Variants in R3HDM2 observed in about 807,000 individuals in gnomAD.
R3HDM2 encodes R3H domain-containing protein 2.
Under a neutral mutation model 124.5 loss-of-function variants are expected in R3HDM2, and 38 were observed. The ratio of observed to expected loss-of-function variants is 0.31; its 90% CI spans 0.24 to 0.40. The LOEUF (loss-of-function observed/expected upper bound fraction) is 0.40. Ranked by LOEUF, R3HDM2 falls within the 10% of genes least tolerant of loss-of-function variation. R3HDM2 has a pLI of 1.00. For missense variants in R3HDM2, 869 were observed against 1,236.9 expected, an observed-to-expected ratio of 0.70 and a Z score of 4.46; for synonymous variants, 391 against 448.0, an observed-to-expected ratio of 0.87 and a Z score of 1.61.
intron 2 of R3HDM2, among the ~76,000 whole-genome samples, chr12:57,315,226 C>T (rs1043911816): frequency 1.3e-5 from 2 of 152,046 alleles, no homozygotes; most frequent in Non-Finnish European, 2.9e-5. Context: ...TTAGCAGAGA[C>T]GGGGTTTCAC....
chr12:57,326,664 C>T (rs773978040), intron 2 of R3HDM2, among the ~76,000 whole-genome samples: 4 of 152,298 alleles, frequency 2.6e-5, no homozygotes, highest in Admixed American at 6.5e-5. Context: ...AAGGTGGCTA[C>T]ATTAAACAAT....
Position 57,296,550 on chromosome 12 carries a change from T to G in R3HDM2, c.562A>C (p.Asn188His), listed in dbSNP as rs1328788573. 1.0e-5 allele frequency: 16 copies of G among 1,549,346 alleles called. No individual in the cohort carries two copies. The highest frequency in any genetic ancestry group is 1.4e-5 in the Non-Finnish European group (16 of 1,146,138). Residue 188 changes from asparagine (N) to histidine (H), a missense_variant and splice_region_variant, in exon 9 of 24, where the codon AAT (asparagine) becomes CAT (histidine). By Grantham distance (68) the Asn-to-His change is moderately conservative. Transcript: ENST00000402412. The surrounding 1 kb of genome is among the most constrained non-coding windows in gnomAD (Gnocchi z 4.5). ...EILEFINDNN[N>H]QFKKFPQMTS... ...ATCTGAGGGAACTTCTTGAACTGAT[T>G]ACTGAAGGGAAACCCGGGGAAAAAA...
At position 57,257,984 on chromosome 12, in the gene R3HDM2, C is replaced by G; in HGVS notation, c.2449+6G>C. 2 of 1,533,444 alleles carry G rather than the reference C, an allele frequency of 1.3e-6. No individual in the cohort carries two copies. Among genetic ancestry groups the G allele is most frequent in the Non-Finnish European group, 8.8e-7 (1 of 1,130,096 alleles). 95.0% of individuals were successfully genotyped at this position (1,533,444 alleles called of 1,614,324 possible). On this transcript the variant is annotated splice_donor_region_variant and intron_variant, in intron 21 of 23. Coordinates refer to ENST00000402412, the MANE Select transcript of R3HDM2 (RefSeq NM_001394031.1). ...CATAGCAGCCAGCACTAATCTAACC[C>G]CCTACCCTGTGCTGGACCCCCAGGC...
chr12:57,354,166 G>T (rs775099838), intron 2 of R3HDM2, among the ~76,000 whole-genome samples: 1 of 151,818 alleles, frequency 6.6e-6, no homozygotes, highest in East Asian at 1.9e-4. Context: ...ACCACGCCTG[G>T]TCTAATTTTT....
Position 57,269,048 on chromosome 12 carries a change from C to G in R3HDM2, c.1749G>C (p.Ala583=), listed in dbSNP as rs376410858. The change falls in exon 17 of 24, where the codon GCG becomes GCC. Residue 583 remains alanine (A), a synonymous_variant. Coordinates refer to ENST00000402412, the MANE Select transcript of R3HDM2 (RefSeq NM_001394031.1). The stretch of plus-strand genomic sequence containing the variant: ...GGACCCCAATCATGCCTTGGTAAGC[C>G]GCCTGCTGCTGGTTAGGCATCATGG... ...LQPMMPNQQQ[A]AYQGMIGVQQ... is the part of the protein sequence containing the mutation. The G allele has an allele frequency of 1.9e-6, 3 of 1,614,200 alleles. No individual in the cohort carries two copies. In the East Asian group the frequency reaches 6.7e-5, roughly 36 times the overall value.
At chr12:57,429,621 G>C (rs1463737712) in intron 1 of R3HDM2, among the ~76,000 whole-genome samples, 1 of 152,128 alleles carries the variant, frequency 6.6e-6, no homozygotes, top group African/African-American at 2.4e-5. Context: ...ACTGAGGTAG[G>C]AGGACGGCTT....
intron 14 of R3HDM2, among the ~76,000 whole-genome samples, chr12:57,273,922 G>A (rs2044132906): frequency 6.6e-6 from 1 of 152,150 alleles, no homozygotes; most frequent in Admixed American, 6.5e-5. Context: ...TCAATAATTA[G>A]GTAAAATTAT....
At chr12:57,317,625 G>A (rs1425571687) in intron 2 of R3HDM2, among the ~76,000 whole-genome samples, 3 of 124,658 alleles carry the variant, frequency 2.4e-5, no homozygotes, top group African/African-American at 5.8e-5. Context: ...AGAATCCTGG[G>A]AGATAGTTAA....
intron 2 of R3HDM2, among the ~76,000 whole-genome samples, chr12:57,377,806 G>A (rs767424988): frequency 3.3e-5 from 5 of 152,008 alleles, no homozygotes; most frequent in East Asian, 1.9e-4. Flanking sequence ...GAAACCTTTC[G>A]GCCAGGGGCA....
intron 3 of R3HDM2, among the ~76,000 whole-genome samples, chr12:57,304,705 G>T (rs1404715238): frequency 6.6e-6 from 1 of 152,118 alleles, no homozygotes; most frequent in Non-Finnish European, 1.5e-5. Context: ...ATACAACATG[G>T]CACAAAGATT....
chr12:57,396,592 G>A (rs558054521), intron 1 of R3HDM2, among the ~76,000 whole-genome samples: 1 of 151,982 alleles, frequency 6.6e-6, no homozygotes, highest in Admixed American at 6.6e-5. Flanking sequence ...GCCTGGCAAA[G>A]ATGGTGAAAC....
intron 1 of R3HDM2, among the ~76,000 whole-genome samples, chr12:57,413,453 A>AGGCTG (rs2069203466): frequency 6.8e-6 from 1 of 147,702 alleles, no homozygotes; most frequent in African/African-American, 2.5e-5. Flanking sequence ...AAAAAAAAGC[A>AGGCTG]GGCTGGGCAC....
chr12:57,310,044 C>T (rs2053585691), intron 3 of R3HDM2, among the ~76,000 whole-genome samples: 2 of 152,052 alleles, frequency 1.3e-5, no homozygotes, highest in South Asian at 2.1e-4. Context: ...CCTGTCTCTA[C>T]AAAAAAATTT....
chr12:57,285,832 A>G (rs1053667226), intron 12 of R3HDM2, among the ~76,000 whole-genome samples: 5 of 152,190 alleles, frequency 3.3e-5, no homozygotes, highest in African/African-American at 1.2e-4. Flanking sequence ...TTCTCTTGCT[A>G]CTAGAGGTAG....
intron 2 of R3HDM2, among the ~76,000 whole-genome samples, chr12:57,315,799 G>C (rs933032194): frequency 6.6e-6 from 1 of 152,226 alleles, no homozygotes; most frequent in Non-Finnish European, 1.5e-5. Context: ...CCATAAAACA[G>C]ACTCATTTAA....
chr12:57,415,708 C>T (rs913420968), intron 1 of R3HDM2, among the ~76,000 whole-genome samples: 1 of 152,084 alleles, frequency 6.6e-6, no homozygotes, highest in African/African-American at 2.4e-5. Flanking sequence ...TTAACATTAT[C>T]AATAATGAGA....
chr12:57,315,629 C>T (rs2139246692), intron 2 of R3HDM2, among the ~76,000 whole-genome samples: 1 of 152,290 alleles, frequency 6.6e-6, no homozygotes, highest in Admixed American at 6.5e-5. Flanking sequence ...AGTGTCCAAC[C>T]ACTGTTTCTC....
At chr12:57,355,301 C>CA (rs918134837) in intron 2 of R3HDM2, among the ~76,000 whole-genome samples, 29 of 149,704 alleles carry the variant, frequency 1.9e-4, no homozygotes, top group Admixed American at 2.0e-4. Flanking sequence ...ACTAAAAATA[C>CA]AAAAAAAATT....
At chr12:57,256,173 G>C (rs1349312883) in intron 22 of R3HDM2, 99 bp from the exon 23 acceptor site, 3 of 1,235,114 alleles carry the variant, frequency 2.4e-6, no homozygotes, top group East Asian at 4.7e-5. Flanking sequence ...CACCAACCCA[G>C]AGGACCCCAC....
Sources: gnomAD v4.1 joint callset for allele counts (sites outside exome capture counted in the v4.1 genomes callset) on GRCh38, gnomAD v4.1.1 for gene constraint, Gnocchi (gnomAD v3.1) non-coding constraint, MANE v1.5 for transcripts, NCBI Gene and HGNC (gene_info 2026-07-23, HGNC 2026-07-21) for gene names.